Variants in CCDC34 observed in about 807,000 individuals in gnomAD.
CCDC34 encodes coiled-coil domain-containing protein 34.
In CCDC34, 40 loss-of-function variants were observed where a neutral mutation model predicts 44.1. The ratio of observed to expected loss-of-function variants is 0.91; its 90% CI spans 0.70 to 1.18. The LOEUF (loss-of-function observed/expected upper bound fraction) is 1.18. Among genes scored for constraint, CCDC34 ranks in the 50% most tolerant of loss-of-function variants. The probability of loss-of-function intolerance (pLI) is 0.00; values close to 1 mark genes in which losing one functional copy is unlikely to be tolerated. For synonymous variants in CCDC34, 159 were observed against 158.2 expected (o/e 1.01, Z -0.04); for missense variants, 466 against 452.3 (o/e 1.03, Z -0.28).
At chr11:27,344,307 G>C (rs1197353445) in intron 3 of CCDC34, among the ~76,000 whole-genome samples, 2 of 151,974 alleles carry the variant, frequency 1.3e-5, no homozygotes, top group African/African-American at 4.8e-5. Flanking sequence ...ATATGAGTGT[G>C]GCTGGGAAAA....
Position 27,350,373 on chromosome 11 carries a change from CA to C in CCDC34, c.564del (p.Glu189LysfsTer52). 6.2e-7 allele frequency: 1 copy of C among 1,613,590 alleles called. No individual in the cohort carries two copies. The highest frequency in any genetic ancestry group is 8.5e-7 in the Non-Finnish European group (1 of 1,179,812). On this transcript the variant is annotated frameshift_variant, in exon 3 of 6. Transcript: ENST00000328697. LOFTEE classifies it high-confidence loss of function. ...TGAACCCATTCCTTGTGCTTTTCTT[CA>C]GCAATTATCTTTCTTTTTTCACGTT... ...MEEREKRKII[A>X]EEKHKEWVQK... is the part of the protein sequence containing the mutation.
intron 1 of CCDC34, among the ~76,000 whole-genome samples, chr11:27,358,363 T>C (rs1348201432): frequency 2.6e-5 from 4 of 152,192 alleles, no homozygotes; most frequent in African/African-American, 4.8e-5. Context: ...TCAGCAGCCA[T>C]AGAAAGCAAG....
At chr11:27,359,237 A>G (rs1862623922) in intron 1 of CCDC34, among the ~76,000 whole-genome samples, 1 of 152,064 alleles carries the variant, frequency 6.6e-6, no homozygotes, top group South Asian at 2.1e-4. Flanking sequence ...CCTGACACCC[A>G]TGAATCTGCC....
intron 3 of CCDC34, among the ~76,000 whole-genome samples, chr11:27,345,652 A>G (rs1407397273): frequency 4.6e-5 from 7 of 151,894 alleles, no homozygotes; most frequent in Non-Finnish European, 8.8e-5. Context: ...TCCATGGTGT[A>G]TATGTGCCAC....
intron 2 of CCDC34, among the ~76,000 whole-genome samples, chr11:27,355,098 G>T (rs1862556641): frequency 6.6e-6 from 1 of 152,076 alleles, no homozygotes; most frequent in Admixed American, 6.6e-5. Context: ...AAAAATGACT[G>T]GAAGTGACCC....
intron 4 of CCDC34, 34 bp downstream of exon 4, chr11:27,341,358 T>C: frequency 7.6e-7 from 1 of 1,308,694 alleles, no homozygotes; most frequent in Non-Finnish European, 1.0e-6. Flanking sequence ...ACACCAAAGT[T>C]ATGTATTCTA....
At chr11:27,344,023 C>T (rs1011051590) in intron 3 of CCDC34, among the ~76,000 whole-genome samples, 1 of 151,988 alleles carries the variant, frequency 6.6e-6, no homozygotes, top group African/African-American at 2.4e-5. Flanking sequence ...CTGAATAATC[C>T]TCTACTTATA....
chr11:27,357,344 A>G, intron 2 of CCDC34, 59 bp downstream of exon 2: 3 of 1,495,342 alleles, frequency 2.0e-6, no homozygotes, highest in South Asian at 2.7e-5. Context: ...TTAATTTACA[A>G]CTGCAGCTCT....
Position 27,338,988 on chromosome 11 carries a change from T to C in CCDC34, c.955A>G (p.Ile319Val), listed in dbSNP as rs16925453. ...SYPEPAFYNP[I>V]PWKPIHMPPP... ...GGCATATGAATTGGTTTCCACGGAA[T>C]TGGATTATAAAAGGCTGGTTCTGGA... The change falls in exon 6 of 6, where the codon ATT becomes GTT. Residue 319 changes from isoleucine (I) to valine (V), a missense_variant. Ile to Val is a conservative substitution (Grantham distance 29, BLOSUM62 3). Transcript: ENST00000328697. 2.8e-4 allele frequency: 446 copies of C among 1,613,660 alleles called. 1 individual carries two copies. The African/African-American group carries it at 5.3e-3, about 19-fold the overall frequency.
intron 3 of CCDC34, among the ~76,000 whole-genome samples, chr11:27,344,246 C>T (rs1008705388): frequency 6.6e-6 from 1 of 152,000 alleles, no homozygotes; most frequent in Non-Finnish European, 1.5e-5. Flanking sequence ...CAGCATTATT[C>T]TGACATCAAA....
intron 3 of CCDC34, among the ~76,000 whole-genome samples, chr11:27,343,995 T>C (rs533473004): frequency 1.5e-4 from 23 of 152,222 alleles, no homozygotes. Flanking sequence ...CCAAAATGAA[T>C]TCGAGAAAAA....
At chr11:27,352,298 G>C (rs1261043302) in intron 2 of CCDC34, among the ~76,000 whole-genome samples, 1 of 151,768 alleles carries the variant, frequency 6.6e-6, no homozygotes, top group South Asian at 2.1e-4. Context: ...CCGGAGACTC[G>C]CCTGAACCTG....
At chr11:27,357,066 A>G (rs908439022) in intron 2 of CCDC34, among the ~76,000 whole-genome samples, 2 of 152,232 alleles carry the variant, frequency 1.3e-5, no homozygotes, top group Non-Finnish European at 2.9e-5. Context: ...GTATGTAGAC[A>G]TACAACTTAT....
At chr11:27,342,029 A>G (rs1862367377) in intron 3 of CCDC34, among the ~76,000 whole-genome samples, 1 of 152,108 alleles carries the variant, frequency 6.6e-6, no homozygotes, top group South Asian at 2.1e-4. Flanking sequence ...CCATCCATGT[A>G]AGACGTGACT....
chr11:27,353,273 C>A (rs1862528681), intron 2 of CCDC34, among the ~76,000 whole-genome samples: 2 of 149,636 alleles, frequency 1.3e-5, no homozygotes, highest in Admixed American at 6.7e-5. Context: ...GTTAAGGGCT[C>A]ATTAAGGGCT....
intron 5 of CCDC34, 23 bp from the exon 6 acceptor site, chr11:27,339,058 T>C (rs1344690152): frequency 1.3e-6 from 2 of 1,564,390 alleles, no homozygotes; most frequent in South Asian, 1.2e-5. Context: ...AAAAATCAGA[T>C]CAAAACAAGG....
chr11:27,341,451 A>T lies in CCDC34; in HGVS notation c.706T>A (p.Tyr236Asn). The change falls in exon 4 of 6, where the codon TAT (tyrosine) becomes AAT (asparagine). Residue 236 changes from tyrosine (Y) to asparagine (N), a missense_variant. Coordinates refer to ENST00000328697, the MANE Select transcript of CCDC34 (RefSeq NM_030771.2). ...TTTTTTTTCTTTAACCATTCTTGAT[A>T]TTTTTCTTTTGCTTTTTCTTGCAAG... ...EYLQEKAKEK[Y>N]QEWLKKKNAE... 1 of 1,457,790 alleles carries T rather than the reference A, an allele frequency of 6.9e-7. No individual in the cohort carries two copies. 90.3% of individuals were successfully genotyped at this position (1,457,790 alleles called of 1,614,324 possible). A position where few individuals can be genotyped will look rare whatever the true frequency, so the allele number is the denominator to read the frequency against.
intron 3 of CCDC34, among the ~76,000 whole-genome samples, chr11:27,345,044 G>A (rs1040499444): frequency 3.0e-4 from 46 of 152,204 alleles, no homozygotes; most frequent in African/African-American, 1.1e-3. Context: ...CTATAAATAT[G>A]TGGTCAATTG....
At position 27,338,609 on chromosome 11, in the gene CCDC34, AAAC is replaced by A. The variant is rs1414884211; in HGVS notation, c.*209_*211del. ...TACATATTCAGCCACTTATTCTGCAAAACAACATGCCAAGATCAACCTTAAAAA... is the reference window on the plus strand; with the variant it reads ...TACATATTCAGCCACTTATTCTGCAAAACATGCCAAGATCAACCTTAAAAA... On this transcript the variant is annotated 3_prime_UTR_variant, in exon 6 of 6. Coordinates refer to ENST00000328697, the MANE Select transcript of CCDC34 (RefSeq NM_030771.2). 3 of 508,558 alleles carry A rather than the reference AAAC, an allele frequency of 5.9e-6. No homozygotes were observed. In the African/African-American group the frequency reaches 6.0e-5, roughly 10 times the overall value. 31.5% of individuals were successfully genotyped at this position (508,558 alleles called of 1,614,324 possible). A position where few individuals can be genotyped will look rare whatever the true frequency, so the allele number is the denominator to read the frequency against.
Sources: gnomAD v4.1 joint callset for allele counts (sites outside exome capture counted in the v4.1 genomes callset) on GRCh38, gnomAD v4.1.1 for gene constraint, MANE v1.5 for transcripts, NCBI Gene and HGNC (gene_info 2026-07-23, HGNC 2026-07-21) for gene names.